DNAJB1: variants seen among roughly 807,000 people sequenced by gnomAD.
The protein encoded by DNAJB1 is dnaJ homolog subfamily B member 1.
DNAJB1 carries 14 observed loss-of-function variants against 24.0 expected under a neutral mutation model. The observed-to-expected ratio is 0.58, with a 90% confidence interval of 0.39 to 0.91. DNAJB1 has a LOEUF of 0.91. Among genes scored for constraint, DNAJB1 ranks in the 40% least tolerant of loss-of-function variants. The pLI is 0.00. For synonymous variants in DNAJB1, 262 were observed against 174.4 expected (o/e 1.50, Z -3.96); for missense variants, 517 against 458.1 (o/e 1.13, Z -1.17).
upstream of DNAJB1, among the ~76,000 whole-genome samples, chr19:14,551,344 G>T (rs1484169761): frequency 6.6e-6 from 1 of 152,096 alleles, no homozygotes; most frequent in Non-Finnish European, 1.5e-5. Flanking sequence ...CAGAGTACTG[G>T]GATTACAGGC....
upstream of DNAJB1, chr19:14,530,299 C>G (rs995150417): frequency 6.3e-5 from 10 of 158,598 alleles, no homozygotes; most frequent in Non-Finnish European, 1.3e-4. Flanking sequence ...AAGGAGAAAT[C>G]TTATACCCAC....
intron 1 of DNAJB1, among the ~76,000 whole-genome samples, chr19:14,535,568 ATATATATATATATATATATATG>A (rs1300098379): frequency 0.013 from 259 of 19,410 alleles, 8 homozygotes; most frequent in Middle Eastern, 0.059. Flanking sequence ...ATATATATAT[ATATATATATATATATATATATG>A]TATGTATATA....
intron 1 of DNAJB1, among the ~76,000 whole-genome samples, chr19:14,540,449 G>T (rs1182097908): frequency 6.6e-6 from 1 of 151,376 alleles, no homozygotes; most frequent in African/African-American, 2.4e-5. Flanking sequence ...CTGGAGTGCA[G>T]TGGTGCGATC....
chr19:14,559,128 G>A (rs537373629), intron 1 of DNAJB1, among the ~76,000 whole-genome samples: 1 of 152,122 alleles, frequency 6.6e-6, no homozygotes. Flanking sequence ...TTTTTATTTT[G>A]ATGGGTATGT....
upstream of DNAJB1, among the ~76,000 whole-genome samples, chr19:14,533,154 C>CTCATGCCTGTAATCCCAGCACT (rs1310642447): frequency 1.3e-5 from 2 of 151,608 alleles, no homozygotes; most frequent in Non-Finnish European, 2.9e-5. Flanking sequence ...GGCACAGTGG[C>CTCATGCCTGTAATCCCAGCACT]TCATGCCTGT....
At chr19:14,540,112 T>C (rs2073047908) in intron 1 of DNAJB1, among the ~76,000 whole-genome samples, 1 of 151,394 alleles carries the variant, frequency 6.6e-6, no homozygotes. Context: ...CAGGCTGGAG[T>C]GCAGTGGCAT....
rs535752157 is a variant in DNAJB1 at position 14,543,645 on chromosome 19, A to T, written c.-214+6563T>A. ...AGTAGAGACGGGGTTTCACCGTGTT[A>T]GCCAGGATGGTCTCGATCTCCTGAC... On this transcript the variant is annotated intron_variant, in intron 1 of 3. Coordinates refer to the DNAJB1 transcript ENST00000676982. Among the ~76,000 whole-genome samples the T allele has an allele frequency of 1.5e-3, 216 of 148,896 alleles. 5 individuals carry two copies. In the South Asian group the frequency reaches 0.044, roughly 30 times the overall value.
intron 1 of DNAJB1, among the ~76,000 whole-genome samples, chr19:14,557,113 T>TATTTA (rs2073753179): frequency 2.9e-5 from 2 of 69,700 alleles, no homozygotes; most frequent in African/African-American, 4.8e-5. Context: ...GTTGGTCTAA[T>TATTTA]CTTATTTATT....
At chr19:14,533,779 C>G (rs745776974), upstream of DNAJB1, among the ~76,000 whole-genome samples, 1 of 152,200 alleles carries the variant, frequency 6.6e-6, no homozygotes, top group Non-Finnish European at 1.5e-5. Context: ...CGGGTCACCT[C>G]CAGGCCTTGG....
intron 1 of DNAJB1, among the ~76,000 whole-genome samples, chr19:14,535,218 T>C (rs748265885): frequency 1.3e-5 from 2 of 151,088 alleles, no homozygotes; most frequent in African/African-American, 4.9e-5. Flanking sequence ...ACTAAAAATA[T>C]AAAAATTGGC....
chr19:14,546,680 A>G (rs2073317794), intron 1 of DNAJB1, among the ~76,000 whole-genome samples: 1 of 151,960 alleles, frequency 6.6e-6, no homozygotes, highest in African/African-American at 2.4e-5. Context: ...TTTCTTAAAC[A>G]TTATTTTTTC....
rs367564187 is a variant in DNAJB1 at position 14,518,242 on chromosome 19, G to A, written c.108C>T (p.Asn36=). 2.0e-5 allele frequency: 32 copies of A among 1,608,770 alleles called. 1 individual carries two copies. In the African/African-American group the frequency reaches 2.0e-4, roughly 10 times the overall value. ...RQALRYHPDK[N]KEPGAEEKFK... ...ACTTCTCCTCGGCGCCGGGCTCCTT[G>A]TTCTTGTCCGGGTGGTAGCGCAGCG... is the stretch of plus-strand genomic sequence containing the variant. The change falls in exon 1 of 3, where the codon AAC becomes AAT. Residue 36 remains asparagine (N), a synonymous_variant. Coordinates refer to ENST00000254322, the MANE Select transcript of DNAJB1 (RefSeq NM_006145.3).
At chr19:14,517,419 G>C (rs891137338) in intron 1 of DNAJB1, 9 of 199,868 alleles carry the variant, frequency 4.5e-5, no homozygotes, top group East Asian at 2.4e-4. Flanking sequence ...AGGGCTAATG[G>C]TGCGTAGGAA....
chr19:14,529,702 G>A (rs1391347457), upstream of DNAJB1: 4 of 1,614,010 alleles, frequency 2.5e-6, no homozygotes, highest in South Asian at 1.1e-5. Flanking sequence ...GAGCCATGAA[G>A]CATTACGAGG....
In DNAJB1 at chr19:14,518,218, C is replaced by A; in HGVS notation, c.132G>T (p.Lys44Asn). 3.1e-6 allele frequency: 5 copies of A among 1,610,336 alleles called. No individual in the cohort carries two copies. The highest frequency in any genetic ancestry group is 4.2e-6 in the Non-Finnish European group (5 of 1,178,650). The change falls in exon 1 of 3, where the codon AAG (lysine) becomes AAT (asparagine). Residue 44 changes from lysine (K) to asparagine (N), a missense_variant. Lys to Asn is a moderately conservative substitution (Grantham distance 94). Coordinates refer to ENST00000254322, the MANE Select transcript of DNAJB1 (RefSeq NM_006145.3). ...DKNKEPGAEEKFKEIAEAYDV... is the reference protein window; with the variant it reads ...DKNKEPGAEENFKEIAEAYDV... Reference sequence around the variant, plus strand: ...CGTAGGCCTCAGCGATCTCCTTGAACTTCTCCTCGGCGCCGGGCTCCTTGT... The same window carrying A: ...CGTAGGCCTCAGCGATCTCCTTGAAATTCTCCTCGGCGCCGGGCTCCTTGT...
upstream of DNAJB1, chr19:14,532,531 A>G (rs929175561): frequency 6.6e-6 from 1 of 151,750 alleles, no homozygotes; most frequent in South Asian, 2.1e-4. Flanking sequence ...AAAAAAAAAA[A>G]AAAAGGGAAG....
intron 1 of DNAJB1, among the ~76,000 whole-genome samples, chr19:14,539,743 T>TA (rs1194881659): frequency 6.6e-6 from 1 of 152,122 alleles, no homozygotes; most frequent in East Asian, 1.9e-4. Flanking sequence ...CCCTTCGTGT[T>TA]ACCGAGCGCT....
intron 1 of DNAJB1, among the ~76,000 whole-genome samples, chr19:14,544,157 T>C (rs1599442426): frequency 6.6e-6 from 1 of 151,874 alleles, no homozygotes; most frequent in Non-Finnish European, 1.5e-5. Flanking sequence ...GGCTGTGTGG[T>C]CTTGGTCTGA....
Sources: gnomAD v4.1 joint callset for allele counts (sites outside exome capture counted in the v4.1 genomes callset) on GRCh38, gnomAD v4.1.1 for gene constraint, MANE v1.5 for transcripts, NCBI Gene and HGNC (gene_info 2026-07-23, HGNC 2026-07-21) for gene names.